Variants in EP400 observed in about 807,000 individuals in gnomAD.
The protein encoded by EP400 is E1A binding protein p400, also known as E1A-binding protein p400.
A neutral mutation model predicts 354.1 loss-of-function variants in EP400; 105 were observed. That is an observed-to-expected ratio of 0.30 (90% CI 0.25 to 0.35). The LOEUF is 0.35. Among genes scored for constraint, EP400 ranks in the 10% least tolerant of loss-of-function variants. The pLI is 1.00. For missense variants in EP400, 3,280 were observed against 4,121.0 expected (o/e 0.80, Z 5.59); for synonymous variants, 1,646 against 1,716.9 (o/e 0.96, Z 1.02).
chr12:132,062,066 G>C (rs570743186), intron 45 of EP400, 44 bp from the exon 46 acceptor site: 1 of 1,561,466 alleles, frequency 6.4e-7, no homozygotes, highest in African/African-American at 1.4e-5. Flanking sequence ...AGCCCTGAGT[G>C]CTGTGTGAAA....
chr12:131,962,085 T>C (rs1702155321), intron 2 of EP400, 131 bp downstream of exon 2: 2 of 1,223,226 alleles, frequency 1.6e-6, no homozygotes, highest in Admixed American at 5.6e-5. Flanking sequence ...GGGGCAAGGA[T>C]TTGACCCATA....
chr12:132,049,592 T>G (rs895702438), intron 39 of EP400, among the ~76,000 whole-genome samples: 1 of 152,138 alleles, frequency 6.6e-6, no homozygotes, highest in Non-Finnish European at 1.5e-5. Flanking sequence ...CTTGGCACAC[T>G]CTCTTTGACC....
Position 131,994,833 on chromosome 12 carries a change from G to C in EP400, c.2738-34G>C. 6.3e-7 allele frequency: 1 copy of C among 1,586,818 alleles called. No homozygotes were observed. Among genetic ancestry groups the C allele is most frequent in the Non-Finnish European group, 8.7e-7 (1 of 1,155,924 alleles). On this transcript the variant is annotated intron_variant, in intron 11 of 52. Transcript: ENST00000389561. This position sits in a 1 kb window ranked among gnomAD's most constrained non-coding sequence, Gnocchi z 4.6. ...GAGTAACAGACACTCAAGTGGTGTT[G>C]CCTCTCAGTGACACTTGCTGATAAC...
chr12:131,985,347 C>T (rs899595779), intron 5 of EP400, among the ~76,000 whole-genome samples: 1 of 152,258 alleles, frequency 6.6e-6, no homozygotes, highest in African/African-American at 2.4e-5. Context: ...TGTGGCTGTG[C>T]TGTAATAAAG....
In EP400 at chr12:132,053,133, G is replaced by A. The variant is rs376771507; in HGVS notation, c.7395-13G>A. 6.8e-5 allele frequency: 109 copies of A among 1,613,934 alleles called. 1 individual carries two copies. In the South Asian group the frequency reaches 8.2e-4, roughly 12 times the overall value. On this transcript the variant is annotated splice_polypyrimidine_tract_variant and intron_variant, in intron 41 of 52. Transcript: ENST00000389561. Reference sequence around the variant, plus strand: ...TTGCCTGTATGTTTTTAACCTTTGCGTCTGTCTTTCAGTGGAATCAACTAT... The same window carrying A: ...TTGCCTGTATGTTTTTAACCTTTGCATCTGTCTTTCAGTGGAATCAACTAT...
intron 1 of EP400, among the ~76,000 whole-genome samples, chr12:131,950,384 C>T (rs1891425460): frequency 6.6e-6 from 1 of 152,180 alleles, no homozygotes; most frequent in African/African-American, 2.4e-5. Context: ...GCCCGCGCCT[C>T]CTGGTTCTCG....
intron 41 of EP400, 102 bp from the exon 42 acceptor site, chr12:132,053,044 G>C (rs969021135): frequency 1.9e-5 from 24 of 1,269,316 alleles, no homozygotes; most frequent in Non-Finnish European, 2.6e-5. Context: ...TCTTGGGCTG[G>C]AGCTGCCCCA....
At chr12:131,955,204 GT>G (rs1284998984) in intron 1 of EP400, among the ~76,000 whole-genome samples, 1 of 152,066 alleles carries the variant, frequency 6.6e-6, no homozygotes, top group African/African-American at 2.4e-5. Context: ...GATTGTCTTT[GT>G]TTCTCTAATG....
At chr12:131,991,572 TTTTC>T (rs1893034620) in intron 10 of EP400, 116 bp downstream of exon 10, 2 of 922,430 alleles carry the variant, frequency 2.2e-6, no homozygotes, top group Non-Finnish European at 1.7e-6. Context: ...ACTTCCTTTC[TTTTC>T]TTTTTTTTTT....
chr12:132,025,332 G>C lies in EP400; in HGVS notation c.4856-314G>C, dbSNP rs1013652317. ...TTGACTGCTGTGATCTGGGAGTGGG[G>C]ATGTCCGCCTCAGTACCTCGAACAG... On this transcript the variant is annotated intron_variant, in intron 24 of 52. Coordinates refer to ENST00000389561, the MANE Select transcript of EP400 (RefSeq NM_015409.5). The surrounding 1 kb of genome is among the most constrained non-coding windows in gnomAD (Gnocchi z 4.1). Among the ~76,000 whole-genome samples, 3 of 152,144 alleles carry C rather than the reference G, an allele frequency of 2.0e-5. No homozygotes were observed. Among genetic ancestry groups the C allele is most frequent in the Non-Finnish European group, 4.4e-5 (3 of 68,036 alleles).
chr12:132,025,209 T>C lies in EP400; in HGVS notation c.4856-437T>C, dbSNP rs573952441. 1.3e-5 allele frequency among the ~76,000 whole-genome samples: 2 copies of C among 152,276 alleles called. No homozygotes were observed. The highest frequency in any genetic ancestry group is 3.9e-4 in the East Asian group (2 of 5,174). ...AGTAAAAGAAGTCAGAAAGATGTAG[T>C]CACACAAGATCCAAAGTGGCAGCCT... On this transcript the variant is annotated intron_variant, in intron 24 of 52. Coordinates refer to ENST00000389561, the MANE Select transcript of EP400 (RefSeq NM_015409.5). The surrounding 1 kb of genome is among the most constrained non-coding windows in gnomAD (Gnocchi z 4.1).
intron 1 of EP400, among the ~76,000 whole-genome samples, chr12:131,952,440 C>T (rs1378556245): frequency 1.3e-5 from 2 of 151,976 alleles, no homozygotes. Flanking sequence ...AGCCACCGCG[C>T]CCGGCCCCAA....
intron 45 of EP400, among the ~76,000 whole-genome samples, chr12:132,055,924 T>C (rs1355338163): frequency 6.6e-6 from 1 of 151,294 alleles, no homozygotes; most frequent in African/African-American, 2.4e-5. Flanking sequence ...GGGGGCGTGG[T>C]TTTGGGGGAG....
chr12:131,970,897 A>G (rs1276255016), intron 2 of EP400, among the ~76,000 whole-genome samples: 2 of 152,316 alleles, frequency 1.3e-5, no homozygotes, highest in East Asian at 3.9e-4. Context: ...AGTTCCAAGT[A>G]TACAGTGCAA....
intron 19 of EP400, among the ~76,000 whole-genome samples, chr12:132,015,786 GC>G (rs1306008635): frequency 3.3e-5 from 5 of 151,986 alleles, no homozygotes; most frequent in African/African-American, 9.7e-5. Flanking sequence ...CGCACGCCTC[GC>G]CCCCCTGGAG....
chr12:131,978,473 T>G (rs952897782), intron 2 of EP400, among the ~76,000 whole-genome samples: 3 of 152,180 alleles, frequency 2.0e-5, no homozygotes, highest in Admixed American at 6.5e-5. Flanking sequence ...ATCACAGAGT[T>G]AGGATCATGT....
intron 47 of EP400, 126 bp from the exon 48 acceptor site, chr12:132,064,542 T>C (rs910441305): frequency 4.0e-5 from 53 of 1,309,952 alleles, no homozygotes; most frequent in Non-Finnish European, 5.1e-5. Flanking sequence ...GTCTGGATGC[T>C]GCACGGTAGC....
At position 132,027,375 on chromosome 12, in the gene EP400, G is replaced by A; in HGVS notation, c.5015-62G>A. Reference sequence around the variant, plus strand: ...GGGTGAGGTTCCATGGAGCATGCTGGTGTCAGATGAAATCCTGTGAACTTG... The same window carrying A: ...GGGTGAGGTTCCATGGAGCATGCTGATGTCAGATGAAATCCTGTGAACTTG... On this transcript the variant is annotated intron_variant, in intron 25 of 52. Transcript: ENST00000389561. The surrounding 1 kb of genome is among the most constrained non-coding windows in gnomAD (Gnocchi z 4.9). 1 of 1,540,706 alleles carries A rather than the reference G, an allele frequency of 6.5e-7. No homozygotes were observed.
intron 51 of EP400, among the ~76,000 whole-genome samples, chr12:132,073,778 T>G (rs538675006): frequency 5.3e-5 from 8 of 151,932 alleles, no homozygotes; most frequent in African/African-American, 1.7e-4. Flanking sequence ...CATCTTTGAC[T>G]TTTTATGTGG....
Sources: gnomAD v4.1 joint callset for allele counts (sites outside exome capture counted in the v4.1 genomes callset) on GRCh38, gnomAD v4.1.1 for gene constraint, Gnocchi (gnomAD v3.1) non-coding constraint, MANE v1.5 for transcripts, NCBI Gene and HGNC (gene_info 2026-07-23, HGNC 2026-07-21) for gene names.